The following NEMP2 variants were observed in gnomAD, a reference collection of about 807,000 sequenced individuals.
NEMP2 encodes the protein UPF0571 transmembrane protein.
Under a neutral mutation model 54.2 loss-of-function variants are expected in NEMP2, and 53 were observed. That is an observed-to-expected ratio of 0.98 (90% CI 0.78 to 1.23). The LOEUF (loss-of-function observed/expected upper bound fraction) is 1.23. Among genes scored for constraint, NEMP2 ranks in the 50% most tolerant of loss-of-function variants. The pLI is 0.00. For synonymous variants in NEMP2, 197 were observed against 190.3 expected, an observed-to-expected ratio of 1.04 and a Z score of -0.29; for missense variants, 455 against 511.3, an observed-to-expected ratio of 0.89 and a Z score of 1.06.
the NEMP2 span, among the ~76,000 whole-genome samples, chr2:190,591,009 G>A: frequency 6.6e-6 from 1 of 152,122 alleles, no homozygotes; most frequent in East Asian, 1.9e-4. The surrounding 1 kb of genome is among the most constrained non-coding windows in gnomAD (Gnocchi z 5.4). Flanking sequence ...TCTGCCTAGT[G>A]TGCCCAAACT....
At position 190,528,941 on chromosome 2, in the gene NEMP2, T is replaced by C. The variant is rs1323400830; in HGVS notation, c.98-3563A>G. Among the ~76,000 whole-genome samples, 3 of 152,204 alleles carry C rather than the reference T, an allele frequency of 2.0e-5. No homozygotes were observed. Among genetic ancestry groups the C allele is most frequent in the Non-Finnish European group, 2.9e-5 (2 of 68,028 alleles). Reference sequence around the variant, plus strand: ...ACATTCCTCTTGCACTAGGATGATGTAATAGCCTTCTATCTGGCTGGTCTC... The same window carrying C: ...ACATTCCTCTTGCACTAGGATGATGCAATAGCCTTCTATCTGGCTGGTCTC... On this transcript the variant is annotated intron_variant, in intron 1 of 8. Coordinates refer to ENST00000409150, the MANE Select transcript of NEMP2 (RefSeq NM_001142645.2). This position sits in a 1 kb window ranked among gnomAD's most constrained non-coding sequence, Gnocchi z 4.3.
chr2:190,425,557 T>A, the NEMP2 span, among the ~76,000 whole-genome samples: 2 of 152,170 alleles, frequency 1.3e-5, no homozygotes, highest in Non-Finnish European at 2.9e-5. The surrounding 1 kb of genome is among the most constrained non-coding windows in gnomAD (Gnocchi z 4.3). Context: ...TTCTGAGACT[T>A]TTTCAAATGT....
the NEMP2 span, chr2:190,436,703 C>T: frequency 6.2e-7 from 1 of 1,614,232 alleles, no homozygotes; most frequent in Non-Finnish European, 8.5e-7. This position sits in a 1 kb window ranked among gnomAD's most constrained non-coding sequence, Gnocchi z 5.3. Context: ...AGTGAACCCA[C>T]TCTGCAGCCC....
chr2:190,526,413 G>C (rs954770643), intron 1 of NEMP2, among the ~76,000 whole-genome samples: 1 of 152,194 alleles, frequency 6.6e-6, no homozygotes, highest in African/African-American at 2.4e-5. Flanking sequence ...CCAACAAACA[G>C]GGAATACCAG....
the NEMP2 span, chr2:190,477,185 C>T: frequency 5.6e-6 from 5 of 897,582 alleles, no homozygotes; most frequent in South Asian, 1.5e-4. Context: ...GCACATGTAC[C>T]CTAAAACTTA....
the NEMP2 span, among the ~76,000 whole-genome samples, chr2:190,618,229 C>T: frequency 6.6e-6 from 1 of 151,636 alleles, no homozygotes; most frequent in African/African-American, 2.4e-5. Flanking sequence ...TTAGTGTAGA[C>T]CGAGTTACAA....
Position 190,518,752 on chromosome 2 carries a change from C to A in NEMP2, c.502G>T (p.Ala168Ser), listed in dbSNP as rs768165225. The change falls in exon 4 of 9, where the codon GCA (alanine) becomes TCA (serine). Residue 168 changes from alanine to serine, a missense_variant. Physicochemically the swap from Ala to Ser is moderately conservative, Grantham distance 99. Transcript: ENST00000409150. The part of the protein sequence containing the change: ...FVAGVFLFFY[A>S]RTLSQSPTFY... ...AATACTTACTGACTCAGGGTCCTTG[C>A]ATAAAAGAAAAGAAAAACTCCTGCC... The A allele has an allele frequency of 2.6e-6, 4 of 1,543,620 alleles. No homozygotes were observed. The highest frequency in any genetic ancestry group is 3.5e-6 in the Non-Finnish European group (4 of 1,145,134).
the NEMP2 span, among the ~76,000 whole-genome samples, chr2:190,496,664 GTGTA>G: frequency 1.3e-5 from 2 of 151,460 alleles, no homozygotes; most frequent in African/African-American, 2.4e-5. This position sits in a 1 kb window ranked among gnomAD's most constrained non-coding sequence, Gnocchi z 4.7. Flanking sequence ...GTATATGTGT[GTGTA>G]TGTGTGTGTG....
At chr2:190,595,290 C>G in the NEMP2 span, among the ~76,000 whole-genome samples, 1 of 152,144 alleles carries the variant, frequency 6.6e-6, no homozygotes. The surrounding 1 kb of genome is among the most constrained non-coding windows in gnomAD (Gnocchi z 4.0). Flanking sequence ...AAACCTAAAA[C>G]CATAAAAACC....
the NEMP2 span, among the ~76,000 whole-genome samples, chr2:190,573,729 G>A: frequency 6.6e-6 from 1 of 152,210 alleles, no homozygotes; most frequent in Non-Finnish European, 1.5e-5. Context: ...GTTTTCTCAA[G>A]ATTAATGAGA....
the NEMP2 span, among the ~76,000 whole-genome samples, chr2:190,614,467 A>G: frequency 6.6e-6 from 1 of 152,224 alleles, no homozygotes; most frequent in Non-Finnish European, 1.5e-5. The surrounding 1 kb of genome is among the most constrained non-coding windows in gnomAD (Gnocchi z 5.7). Context: ...AAAAACATGA[A>G]GGCCTTTTAA....
chr2:190,422,167 T>G, the NEMP2 span, among the ~76,000 whole-genome samples: 1 of 152,242 alleles, frequency 6.6e-6, no homozygotes, highest in Non-Finnish European at 1.5e-5. Context: ...TATTTATCAG[T>G]TATTCATCCT....
At chr2:190,569,920 T>G in the NEMP2 span, among the ~76,000 whole-genome samples, 2 of 152,246 alleles carry the variant, frequency 1.3e-5, no homozygotes, top group African/African-American at 4.8e-5. Flanking sequence ...GATTCCATTT[T>G]TATTTAACAG....
the NEMP2 span, among the ~76,000 whole-genome samples, chr2:190,576,803 A>C: frequency 6.6e-6 from 1 of 152,226 alleles, no homozygotes; most frequent in African/African-American, 2.4e-5. Context: ...CATGAAATAC[A>C]TTAACATTGT....
At chr2:190,632,199 C>T in the NEMP2 span, among the ~76,000 whole-genome samples, 15 of 152,348 alleles carry the variant, frequency 9.8e-5, no homozygotes, top group Admixed American at 7.2e-4. This position sits in a 1 kb window ranked among gnomAD's most constrained non-coding sequence, Gnocchi z 4.8. Context: ...TGCTCTCCTT[C>T]CTTGCAGCCT....
chr2:190,444,887 A>G, the NEMP2 span: 1 of 832,306 alleles, frequency 1.2e-6, no homozygotes, highest in Non-Finnish European at 1.4e-6. Flanking sequence ...ATCATAGTAA[A>G]AAGTGACGTT....
the NEMP2 span, chr2:190,445,051 G>A: frequency 6.1e-6 from 1 of 163,888 alleles, no homozygotes; most frequent in East Asian, 1.9e-4. Context: ...GTAGGCCTTG[G>A]TGTTAAGTGA....
the NEMP2 span, among the ~76,000 whole-genome samples, chr2:190,462,117 C>CT: frequency 6.6e-6 from 1 of 152,152 alleles, no homozygotes; most frequent in Non-Finnish European, 1.5e-5. The surrounding 1 kb of genome is among the most constrained non-coding windows in gnomAD (Gnocchi z 5.7). Flanking sequence ...GATTTGCTGT[C>CT]TGTCTCCTTC....
chr2:190,525,409 A>G lies in NEMP2; in HGVS notation c.98-31T>C. ...AGATGGAAAAGGGAATGCATTTTCT[A>G]ACTGTTTAATTGCCCAGAATCTTTT... On this transcript the variant is annotated intron_variant, in intron 1 of 8. Transcript: ENST00000409150. The surrounding 1 kb of genome is among the most constrained non-coding windows in gnomAD (Gnocchi z 5.0). The G allele has an allele frequency of 2.3e-6, 3 of 1,293,842 alleles. No homozygotes were observed. Among genetic ancestry groups the G allele is most frequent in the Non-Finnish European group, 3.2e-6 (3 of 925,624 alleles). 80.1% of individuals were successfully genotyped at this position (1,293,842 alleles called of 1,614,324 possible). A position where few individuals can be genotyped will look rare whatever the true frequency, so the allele number is the denominator to read the frequency against.
Sources: gnomAD v4.1 joint callset for allele counts (sites outside exome capture counted in the v4.1 genomes callset) on GRCh38, gnomAD v4.1.1 for gene constraint, Gnocchi (gnomAD v3.1) non-coding constraint, MANE v1.5 for transcripts, NCBI Gene and HGNC (gene_info 2026-07-23, HGNC 2026-07-21) for gene names.